The following LMLN variants were observed in gnomAD, a reference collection of about 807,000 sequenced individuals.
The protein encoded by LMLN is leishmanolysin like peptidase, also known as leishmanolysin-like peptidase.
Under a neutral mutation model 92.3 loss-of-function variants are expected in LMLN, and 70 were observed. The ratio of observed to expected loss-of-function variants is 0.76; its 90% CI spans 0.63 to 0.92. The LOEUF (loss-of-function observed/expected upper bound fraction) is 0.92. Ranked by LOEUF, LMLN falls within the 40% of genes least tolerant of loss-of-function variation. The pLI is 0.00. For synonymous variants in LMLN, 308 were observed against 296.2 expected (o/e 1.04, Z -0.41); for missense variants, 691 against 814.6 (o/e 0.85, Z 1.85).
chr3:198,013,437 C>T (rs1389919299), intron 11 of LMLN, among the ~76,000 whole-genome samples: 3 of 127,858 alleles, frequency 2.3e-5, no homozygotes, highest in East Asian at 2.4e-4. Context: ...CCCTTCAGAG[C>T]CCCCTAACTA....
intron 11 of LMLN, chr3:197,999,755 C>G (rs550748286): frequency 1.2e-5 from 2 of 163,316 alleles, no homozygotes; most frequent in South Asian, 3.4e-4. Context: ...AACTTCTGGG[C>G]TCAAATGATC....
At chr3:197,968,591 G>A (rs6776858) in intron 1 of LMLN, among the ~76,000 whole-genome samples, 10,151 of 151,616 alleles carry the variant, frequency 0.067, 413 homozygotes, top group African/African-American at 0.11. Context: ...TTTGGGAACT[G>A]TATGTGTCCA....
intron 7 of LMLN, chr3:197,985,594 T>G (rs73894244): frequency 2.8e-4 from 105 of 379,804 alleles, no homozygotes; most frequent in African/African-American, 2.0e-3. Context: ...GTTAGAAATA[T>G]TTACCTCAAG....
At chr3:197,989,177 C>G (rs1721796809) in intron 8 of LMLN, among the ~76,000 whole-genome samples, 1 of 152,128 alleles carries the variant, frequency 6.6e-6, no homozygotes, top group African/African-American at 2.4e-5. Context: ...CAAGGCTGCC[C>G]AAAAGCTGGA....
chr3:198,002,951 G>T, intron 11 of LMLN, 64 bp from the exon 12 acceptor site: 1 of 884,082 alleles, frequency 1.1e-6, no homozygotes, highest in South Asian at 1.5e-5. Flanking sequence ...ATTCTCAATT[G>T]TTATGCTAGA....
At position 197,975,008 on chromosome 3, in the gene LMLN, G is replaced by A; in HGVS notation, c.318-34G>A. On this transcript the variant is annotated intron_variant, in intron 2 of 15. Coordinates refer to ENST00000330198, the Ensembl canonical transcript of LMLN. ...GATTACATGTGCTATGCCTCTGAGAGATAATCCTTATGTTTTTATGTCATT... is the reference window on the plus strand; with the variant it reads ...GATTACATGTGCTATGCCTCTGAGAAATAATCCTTATGTTTTTATGTCATT... The A allele has an allele frequency of 1.4e-6, 2 of 1,397,636 alleles. 1 individual carries two copies. Among genetic ancestry groups the A allele is most frequent in the Middle Eastern group, 3.5e-4 (2 of 5,654 alleles). 86.6% of individuals were successfully genotyped at this position (1,397,636 alleles called of 1,614,324 possible).
rs952422958 is a variant in LMLN, at chr3:198,025,836, C to A, written c.1656+1048C>A. Reference sequence around the variant, plus strand: ...GAGGACAGCGTAAGCCTGAGAAATGCAGAATCAGCATTCCTGTGCCATTTC... The same window carrying A: ...GAGGACAGCGTAAGCCTGAGAAATGAAGAATCAGCATTCCTGTGCCATTTC... On this transcript the variant is annotated intron_variant, in intron 14 of 15. Coordinates refer to ENST00000330198, the Ensembl canonical transcript of LMLN. This position sits in a 1 kb window ranked among gnomAD's most constrained non-coding sequence, Gnocchi z 4.3. Among the ~76,000 whole-genome samples, 2 of 152,212 alleles carry A rather than the reference C, an allele frequency of 1.3e-5. No homozygotes were observed. Among genetic ancestry groups the A allele is most frequent in the Non-Finnish European group, 2.9e-5 (2 of 68,022 alleles).
chr3:198,028,251 C>G (rs1722988614), intron 14 of LMLN, among the ~76,000 whole-genome samples: 1 of 151,670 alleles, frequency 6.6e-6, no homozygotes, highest in African/African-American at 2.4e-5. Flanking sequence ...AGGGTTCACT[C>G]TGGGTGTTTC....
At chr3:198,012,029 GAAA>G (rs1435731650) in intron 11 of LMLN, among the ~76,000 whole-genome samples, 3 of 151,976 alleles carry the variant, frequency 2.0e-5, no homozygotes, top group Non-Finnish European at 4.4e-5. Flanking sequence ...AAATTTACAA[GAAA>G]AAAACAAACA....
exon 16 of LMLN, chr3:198,040,803 T>C (rs1723382680): frequency 1.7e-5 from 2 of 114,796 alleles, no homozygotes. Context: ...TCGGACAGAC[T>C]CCTCCTATTC....
rs889251978 is a variant in LMLN at position 198,022,956 on chromosome 3, A to G, written c.1525+1351A>G. On this transcript the variant is annotated intron_variant, in intron 13 of 15. Transcript: ENST00000330198. ...AAATGCACAGATCTGTCAGTTATGG[A>G]TTTGCCAGAGATGTACTATCACATG... Among the ~76,000 whole-genome samples, 16 of 152,306 alleles carry G rather than the reference A, an allele frequency of 1.1e-4. No homozygotes were observed. In the South Asian group the frequency reaches 3.3e-3, roughly 32 times the overall value.
At chr3:197,994,063 C>A (rs1056086689) in intron 9 of LMLN, among the ~76,000 whole-genome samples, 3 of 152,044 alleles carry the variant, frequency 2.0e-5, no homozygotes, top group Admixed American at 1.3e-4. Flanking sequence ...ACTGGATATC[C>A]ATATGCAGAA....
Position 198,031,878 on chromosome 3 carries a change from G to T in LMLN, c.1657-3955G>T, listed in dbSNP as rs1052969230. On this transcript the variant is annotated intron_variant, in intron 14 of 15. Transcript: ENST00000330198. This position sits in a 1 kb window ranked among gnomAD's most constrained non-coding sequence, Gnocchi z 4.8. The stretch of plus-strand genomic sequence containing the variant: ...GCACTTTGGGAGCCCGAGACAGGCG[G>T]ATCACTTGAGGTCAAGAGTTTGAAA... 3.9e-5 allele frequency among the ~76,000 whole-genome samples: 6 copies of T among 152,068 alleles called. No individual in the cohort carries two copies. Among genetic ancestry groups the T allele is most frequent in the African/African-American group, 1.4e-4 (6 of 41,400 alleles).
At position 198,019,400 on chromosome 3, in the gene LMLN, G is replaced by A; in HGVS notation, c.1365+15G>A. 1 of 1,596,984 alleles carries A rather than the reference G, an allele frequency of 6.3e-7. No individual in the cohort carries two copies. The highest frequency in any genetic ancestry group is 1.1e-5 in the South Asian group (1 of 87,242). On this transcript the variant is annotated intron_variant, in intron 12 of 15. Transcript: ENST00000330198. The surrounding 1 kb of genome is among the most constrained non-coding windows in gnomAD (Gnocchi z 5.5). ...AGGAATACCAGGTAGAACAGGGCTG[G>A]GGCACAGTTTCAGGAATCAGCTTTT...
intron 8 of LMLN, among the ~76,000 whole-genome samples, chr3:197,986,648 T>G (rs890136773): frequency 3.3e-5 from 5 of 152,202 alleles, no homozygotes; most frequent in African/African-American, 1.2e-4. Context: ...CTTTGTTCAC[T>G]ACTTATGTGT....
chr3:198,035,739 A>T, intron 14 of LMLN, 94 bp from the exon 16 acceptor site: 1 of 963,978 alleles, frequency 1.0e-6, no homozygotes, highest in South Asian at 1.7e-5. Context: ...AGTAAGTTTT[A>T]ATATATTTTC....
At chr3:198,020,291 C>T (rs994884370) in intron 12 of LMLN, among the ~76,000 whole-genome samples, 4 of 152,200 alleles carry the variant, frequency 2.6e-5, no homozygotes, top group African/African-American at 7.2e-5. Flanking sequence ...CCACCATATG[C>T]CTGGCCATGA....
chr3:197,975,420 T>C (rs1344399399), intron 3 of LMLN, among the ~76,000 whole-genome samples: 1 of 152,222 alleles, frequency 6.6e-6, no homozygotes, highest in African/African-American at 2.4e-5. Flanking sequence ...TTTATTTTCC[T>C]GAGGATTGAT....
chr3:197,993,673 C>T (rs921560275), intron 9 of LMLN, among the ~76,000 whole-genome samples: 6 of 152,048 alleles, frequency 3.9e-5, no homozygotes, highest in Non-Finnish European at 8.8e-5. Flanking sequence ...AAACAGTCTA[C>T]AGATTCAGTG....
Sources: gnomAD v4.1 joint callset for allele counts (sites outside exome capture counted in the v4.1 genomes callset) on GRCh38, gnomAD v4.1.1 for gene constraint, Gnocchi (gnomAD v3.1) non-coding constraint, MANE v1.5 for transcripts, NCBI Gene and HGNC (gene_info 2026-07-23, HGNC 2026-07-21) for gene names.